MAN1C1: variants seen among roughly 807,000 people sequenced by gnomAD.
The protein encoded by MAN1C1 is mannosidase alpha class 1C member 1, also known as mannosyl-oligosaccharide 1,2-alpha-mannosidase IC.
Under a neutral mutation model 71.5 loss-of-function variants are expected in MAN1C1, and 49 were observed. That is an observed-to-expected ratio of 0.69 (90% confidence interval 0.54 to 0.87). The LOEUF (loss-of-function observed/expected upper bound fraction) is 0.87. Among genes scored for constraint, MAN1C1 ranks in the 40% least tolerant of loss-of-function variants. The pLI is 0.00. For missense variants in MAN1C1, 743 were observed against 835.0 expected, an observed-to-expected ratio of 0.89 and a Z score of 1.36; for synonymous variants, 352 against 343.7, an observed-to-expected ratio of 1.02 and a Z score of -0.27.
intron 2 of MAN1C1, among the ~76,000 whole-genome samples, chr1:25,728,270 C>A (rs2046861093): frequency 6.6e-6 from 1 of 152,182 alleles, no homozygotes; most frequent in Non-Finnish European, 1.5e-5. Context: ...GCCGGAGTCC[C>A]CTCCCCTCTG....
chr1:25,729,636 C>T (rs1454440754), intron 2 of MAN1C1, among the ~76,000 whole-genome samples: 4 of 152,008 alleles, frequency 2.6e-5, no homozygotes, highest in African/African-American at 7.3e-5. Flanking sequence ...CTCAGCCTCC[C>T]GAGTAGCTGG....
intron 1 of MAN1C1, among the ~76,000 whole-genome samples, chr1:25,676,252 G>A (rs541735264): frequency 6.6e-6 from 1 of 152,286 alleles, no homozygotes; most frequent in East Asian, 1.9e-4. Context: ...TGTATCATAT[G>A]CTCATTTCCC....
intron 2 of MAN1C1, among the ~76,000 whole-genome samples, chr1:25,703,008 A>T (rs1369549755): frequency 2.0e-5 from 3 of 152,222 alleles, no homozygotes; most frequent in Admixed American, 1.3e-4. Context: ...GGGCTTTTGC[A>T]AATGTAGACT....
rs185271417 is a variant in MAN1C1, at chr1:25,624,337, A to T, written c.540+6000A>T. On this transcript the variant is annotated intron_variant, in intron 1 of 11. Transcript: ENST00000374332. ...AAGTCAGACCTGCTTTGGTGTCTCC[A>T]CCCTCAAAGAGAATAGAAGCCACAG... Among the ~76,000 whole-genome samples, 28 of 152,262 alleles carry T rather than the reference A, an allele frequency of 1.8e-4. No individual in the cohort carries two copies. The East Asian group carries it at 5.4e-3, about 29-fold the overall frequency.
Position 25,617,687 on chromosome 1 carries a change from C to T in MAN1C1, c.-111C>T, listed in dbSNP as rs2045123347. On this transcript the variant is annotated 5_prime_UTR_variant, in exon 1 of 12. Transcript: ENST00000374332. This position sits in a 1 kb window ranked among gnomAD's most constrained non-coding sequence, Gnocchi z 5.1. ...GGCGAAACTCTCAGGGTTGGCAACC[C>T]TGCCCAGGGACCCCCATCCCGGGCG... The T allele has an allele frequency of 3.9e-6, 4 of 1,034,620 alleles. No individual in the cohort carries two copies. Among genetic ancestry groups the T allele is most frequent in the African/African-American group, 1.7e-5 (1 of 58,854 alleles). 64.1% of individuals were successfully genotyped at this position (1,034,620 alleles called of 1,614,324 possible).
At chr1:25,673,149 TG>T (rs1455883618) in intron 1 of MAN1C1, among the ~76,000 whole-genome samples, 3 of 152,090 alleles carry the variant, frequency 2.0e-5, no homozygotes, top group Non-Finnish European at 4.4e-5. Flanking sequence ...ACTTGGTTTC[TG>T]ATATGAGCCA....
At chr1:25,707,280 C>G (rs904583096) in intron 2 of MAN1C1, among the ~76,000 whole-genome samples, 1 of 152,328 alleles carries the variant, frequency 6.6e-6, no homozygotes, top group South Asian at 2.1e-4. Context: ...ATTCAAAGTG[C>G]TGGCCCCTGG....
At chr1:25,629,057 C>T (rs1305499936) in intron 1 of MAN1C1, among the ~76,000 whole-genome samples, 4 of 152,130 alleles carry the variant, frequency 2.6e-5, no homozygotes, top group South Asian at 2.1e-4. Flanking sequence ...AGTAAACATG[C>T]GTGTACATGT....
chr1:25,727,484 C>T (rs2046848160), intron 2 of MAN1C1, among the ~76,000 whole-genome samples: 1 of 152,212 alleles, frequency 6.6e-6, no homozygotes, highest in African/African-American at 2.4e-5. Context: ...GTGGGGGATA[C>T]GTGCAGGACA....
At chr1:25,715,185 T>G (rs1462569992) in intron 2 of MAN1C1, among the ~76,000 whole-genome samples, 1 of 152,184 alleles carries the variant, frequency 6.6e-6, no homozygotes, top group East Asian at 1.9e-4. Flanking sequence ...CTGTTTCAGT[T>G]TAAGCCCAAA....
rs2047136569 is a variant in MAN1C1, at chr1:25,746,851, C to G, written c.753+68C>G. The stretch of plus-strand genomic sequence containing the variant: ...AAGAGGCCCAACAGCCAGCTTCACC[C>G]TGTCATCTCTGAGACCCAGAGATGT... On this transcript the variant is annotated intron_variant, in intron 3 of 11. Transcript: ENST00000374332. The surrounding 1 kb of genome is among the most constrained non-coding windows in gnomAD (Gnocchi z 4.0). 1.1e-5 allele frequency: 12 copies of G among 1,054,014 alleles called. No homozygotes were observed. The highest frequency in any genetic ancestry group is 1.5e-5 in the Non-Finnish European group (11 of 710,574). 65.3% of individuals were successfully genotyped at this position (1,054,014 alleles called of 1,614,324 possible).
chr1:25,777,000 G>A lies in MAN1C1; in HGVS notation c.1258-1105G>A, dbSNP rs1412044748. On this transcript the variant is annotated intron_variant, in intron 8 of 11. Transcript: ENST00000374332. This position sits in a 1 kb window ranked among gnomAD's most constrained non-coding sequence, Gnocchi z 4.3. ...CCCAGTGTCACACAGCGTGGAACTGGTGGAGATGAAATTTGAACCTGATGA... is the reference window on the plus strand; with the variant it reads ...CCCAGTGTCACACAGCGTGGAACTGATGGAGATGAAATTTGAACCTGATGA... 6.6e-6 allele frequency among the ~76,000 whole-genome samples: 1 copy of A among 152,186 alleles called. No homozygotes were observed. Among genetic ancestry groups the A allele is most frequent in the African/African-American group, 2.4e-5 (1 of 41,444 alleles).
intron 1 of MAN1C1, among the ~76,000 whole-genome samples, chr1:25,636,605 A>G (rs796861414): frequency 3.3e-5 from 5 of 152,314 alleles, no homozygotes; most frequent in African/African-American, 7.2e-5. Context: ...TTCTTTTTCA[A>G]GGTACACTGA....
intron 1 of MAN1C1, among the ~76,000 whole-genome samples, chr1:25,673,610 G>A (rs1353782406): frequency 6.6e-6 from 1 of 152,190 alleles, no homozygotes; most frequent in Non-Finnish European, 1.5e-5. Context: ...GAGAGGTTAA[G>A]TATCTTGTCC....
rs1439643104 is a variant in MAN1C1 at position 25,753,685 on chromosome 1, C to G, written c.929+107C>G. The stretch of plus-strand genomic sequence containing the variant: ...GGAGGCTCCAGGGGCAGTAGGCAGG[C>G]AAGCAGGAGGGGGGACCCTTGGGAC... On this transcript the variant is annotated intron_variant, in intron 5 of 11. Coordinates refer to ENST00000374332, the MANE Select transcript of MAN1C1 (RefSeq NM_020379.4). The surrounding 1 kb of genome is among the most constrained non-coding windows in gnomAD (Gnocchi z 4.9). 3.2e-6 allele frequency: 3 copies of G among 926,262 alleles called. No individual in the cohort carries two copies. The African/African-American group carries it at 5.1e-5, about 16-fold the overall frequency. The allele number at this position is 926,262 out of a possible 1,614,324, so 57.4% of individuals were successfully genotyped here.
rs1335011746 is a variant in MAN1C1, at chr1:25,735,383, C to T, written c.638-11285C>T. 6.6e-6 allele frequency among the ~76,000 whole-genome samples: 1 copy of T among 152,200 alleles called. No individual in the cohort carries two copies. Among genetic ancestry groups the T allele is most frequent in the Non-Finnish European group, 1.5e-5 (1 of 68,036 alleles). On this transcript the variant is annotated intron_variant, in intron 2 of 11. Transcript: ENST00000374332. The surrounding 1 kb of genome is among the most constrained non-coding windows in gnomAD (Gnocchi z 4.6). The stretch of plus-strand genomic sequence containing the variant: ...GCAGTGAGCAGAGATCACACCACTG[C>T]ACTCCATCCTGTGTGACAGAGCGAG...
intron 2 of MAN1C1, among the ~76,000 whole-genome samples, chr1:25,701,347 C>T (rs112523269): frequency 0.015 from 2,355 of 152,320 alleles, 58 homozygotes; most frequent in African/African-American, 0.052. Context: ...CATGGGTGCC[C>T]ACCGGCTAGT....
intron 1 of MAN1C1, chr1:25,646,046 G>T (rs922404393): frequency 6.6e-6 from 1 of 152,440 alleles, no homozygotes. Flanking sequence ...GATGGGGCCG[G>T]TGCATGTCTA....
chr1:25,702,444 C>T (rs1450878490), intron 2 of MAN1C1, among the ~76,000 whole-genome samples: 1 of 152,242 alleles, frequency 6.6e-6, no homozygotes, highest in African/African-American at 2.4e-5. Flanking sequence ...CTTCCTTCTC[C>T]TCCAAGGAGC....
Sources: gnomAD v4.1 joint callset for allele counts (sites outside exome capture counted in the v4.1 genomes callset) on GRCh38, gnomAD v4.1.1 for gene constraint, Gnocchi (gnomAD v3.1) non-coding constraint, MANE v1.5 for transcripts, NCBI Gene and HGNC (gene_info 2026-07-23, HGNC 2026-07-21) for gene names.